The following MYOF variants were observed in gnomAD, a reference collection of about 807,000 sequenced individuals.
MYOF encodes myoferlin, also known as fer-1-like 3, myoferlin.
MYOF carries 244 observed loss-of-function variants against 284.2 expected under a neutral mutation model. That is an observed-to-expected ratio of 0.86 (90% CI 0.77 to 0.95). The LOEUF (loss-of-function observed/expected upper bound fraction) is 0.95, where lower values mean the gene tolerates loss of function less well. Ranked by LOEUF, MYOF falls within the 40% of genes least tolerant of loss-of-function variation. MYOF has a pLI of 0.00. For missense variants in MYOF, 2,496 were observed against 2,560.6 expected, an observed-to-expected ratio of 0.97 and a Z score of 0.54; for synonymous variants, 904 against 919.7, an observed-to-expected ratio of 0.98 and a Z score of 0.31.
chr10:93,389,825 G>A (rs1398598053), intron 17 of MYOF, among the ~76,000 whole-genome samples: 1 of 152,130 alleles, frequency 6.6e-6, no homozygotes, highest in African/African-American at 2.4e-5. Flanking sequence ...AGCTGAAAAT[G>A]GGGAAACTGC....
At chr10:93,332,446 T>C (rs1843357037) in intron 43 of MYOF, among the ~76,000 whole-genome samples, 1 of 151,660 alleles carries the variant, frequency 6.6e-6, no homozygotes, top group African/African-American at 2.4e-5. Flanking sequence ...GGTCTCGAAC[T>C]CCTGACTTTG....
chr10:93,349,811 T>C lies in MYOF; in HGVS notation c.4080A>G (p.Lys1360=). The C allele has an allele frequency of 6.2e-7, 1 of 1,614,056 alleles. No homozygotes were observed. The highest frequency in any genetic ancestry group is 2.2e-5 in the East Asian group (1 of 44,862). ...TCACAGAGAATCGATACTGTACCAC[T>C]TTCATGAAGAGAACAGAACTTGGAA... The part of the protein sequence containing the change: ...PNFPSSVLFM[K]VFLPKEELYM... Residue 1360 remains lysine (K), a synonymous_variant, in exon 36 of 54, where the codon AAA becomes AAG. Coordinates refer to ENST00000359263, the MANE Select transcript of MYOF (RefSeq NM_013451.4).
rs1164498078 is a variant in MYOF, at chr10:93,342,936, CTG to C, written c.4326+918_4326+919del. Among the ~76,000 whole-genome samples, 4 of 152,336 alleles carry C rather than the reference CTG, an allele frequency of 2.6e-5. No homozygotes were observed. In the East Asian group the frequency reaches 7.7e-4, roughly 29 times the overall value. On this transcript the variant is annotated intron_variant, in intron 38 of 53. Coordinates refer to ENST00000359263, the MANE Select transcript of MYOF (RefSeq NM_013451.4). The stretch of plus-strand genomic sequence containing the variant: ...GGAAATTTGATATTGTCGTTTGTGA[CTG>C]TGTAGGATTCACAGAGAGTAGAATC...
rs1444885012 is a variant in MYOF at position 93,387,847 on chromosome 10, G to A, written c.1648C>T (p.Pro550Ser). ...ELATFLEKTP[P>S]DKKLEPISND... ...GAAATGGGCTCAAGCTTTTTATCTG[G>A]TGGTGTCTTCTCAAGAAAAGTGGCT... Residue 550 changes from proline (P) to serine (S), a missense_variant, in exon 19 of 54, where the codon CCA becomes TCA. Pro to Ser is a moderately conservative substitution (Grantham distance 74). Coordinates refer to ENST00000359263, the MANE Select transcript of MYOF (RefSeq NM_013451.4). 2 of 1,614,090 alleles carry A rather than the reference G, an allele frequency of 1.2e-6. No individual in the cohort carries two copies. The highest frequency in any genetic ancestry group is 1.1e-5 in the South Asian group (1 of 91,072).
chr10:93,437,569 C>T (rs765521758), intron 3 of MYOF, among the ~76,000 whole-genome samples: 76 of 152,164 alleles, frequency 5.0e-4, no homozygotes, highest in Non-Finnish European at 9.4e-4. Flanking sequence ...CTGTTTCTGC[C>T]TCTAGAGATC....
chr10:93,461,274 G>C lies in MYOF; in HGVS notation c.89-4337C>G, dbSNP rs951795479. ...AATGGTTCACTGAGTGAGTTCTTCC[G>C]CAAACATTAATCAGCTCCTTCATTC... is the stretch of plus-strand genomic sequence containing the variant. On this transcript the variant is annotated intron_variant, in intron 1 of 53. Coordinates refer to ENST00000359263, the MANE Select transcript of MYOF (RefSeq NM_013451.4). Among the ~76,000 whole-genome samples the C allele has an allele frequency of 3.9e-5, 6 of 152,144 alleles. No individual in the cohort carries two copies. In the South Asian group the frequency reaches 8.3e-4, roughly 21 times the overall value.
In MYOF at chr10:93,372,668, G is replaced by A. The variant is rs1047939296; in HGVS notation, c.2457+262C>T. Among the ~76,000 whole-genome samples, 9 of 152,276 alleles carry A rather than the reference G, an allele frequency of 5.9e-5. No individual in the cohort carries two copies. The South Asian group carries it at 1.9e-3, about 32-fold the overall frequency. ...GAAATATTAGAAGTGAAATATTCATGCCAGAAAGCAAAGCATTCACAATGC... is the reference window on the plus strand; with the variant it reads ...GAAATATTAGAAGTGAAATATTCATACCAGAAAGCAAAGCATTCACAATGC... On this transcript the variant is annotated intron_variant, in intron 24 of 53. Coordinates refer to ENST00000359263, the MANE Select transcript of MYOF (RefSeq NM_013451.4).
chr10:93,406,288 TTATATATATATATATATATATA>T (rs3980375), intron 7 of MYOF, among the ~76,000 whole-genome samples: 2 of 58,148 alleles, frequency 3.4e-5, no homozygotes, highest in African/African-American at 3.9e-5. Flanking sequence ...TAAACCTCTT[TTATATATATATATATATATATA>T]TATATATTTG....
chr10:93,434,444 A>C (rs1016034128), intron 3 of MYOF, among the ~76,000 whole-genome samples: 17 of 151,092 alleles, frequency 1.1e-4, no homozygotes, highest in African/African-American at 3.9e-4. Context: ...AAAAAAAAAA[A>C]AAACAAAAAA....
intron 1 of MYOF, among the ~76,000 whole-genome samples, chr10:93,475,518 A>G (rs1321296407): frequency 1.3e-5 from 2 of 152,222 alleles, no homozygotes; most frequent in Admixed American, 6.5e-5. Flanking sequence ...CTGAGAGGAT[A>G]TTAAACGTAA....
rs371433234 is a variant in MYOF at position 93,396,139 on chromosome 10, T to G, written c.1417+3A>C. ...CTTGTTCTAGATCTGTTGAGTGACT[T>G]ACCTTCCACTTCCCCACCAGAGGCA... On this transcript the variant is annotated splice_donor_region_variant and intron_variant, in intron 16 of 53. Transcript: ENST00000359263. The G allele has an allele frequency of 6.6e-5, 106 of 1,603,236 alleles. No individual in the cohort carries two copies. The highest frequency in any genetic ancestry group is 8.2e-5 in the Non-Finnish European group (96 of 1,172,700).
At chr10:93,308,025 A>C (rs1032663507) in intron 53 of MYOF, among the ~76,000 whole-genome samples, 1 of 148,640 alleles carries the variant, frequency 6.7e-6, no homozygotes, top group Non-Finnish European at 1.5e-5. Context: ...GGCAGATCAC[A>C]TGAGGTCAGG....
chr10:93,380,744 C>G (rs187223175), intron 20 of MYOF, among the ~76,000 whole-genome samples: 4 of 152,150 alleles, frequency 2.6e-5, no homozygotes, highest in Non-Finnish European at 5.9e-5. Flanking sequence ...CCAGAGAAGA[C>G]GAAGAAACTG....
At chr10:93,370,130 T>C (rs1458202401) in intron 24 of MYOF, among the ~76,000 whole-genome samples, 2 of 152,282 alleles carry the variant, frequency 1.3e-5, no homozygotes, top group African/African-American at 4.8e-5. Context: ...TCCTGCACTG[T>C]AGCAGGAATC....
chr10:93,382,404 T>C (rs973316163), intron 19 of MYOF, among the ~76,000 whole-genome samples: 1 of 152,200 alleles, frequency 6.6e-6, no homozygotes, highest in Non-Finnish European at 1.5e-5. Flanking sequence ...AGCTAAACTA[T>C]TGATTTTCTA....
chr10:93,307,530 G>A (rs957174593), intron 53 of MYOF, among the ~76,000 whole-genome samples: 53 of 152,068 alleles, frequency 3.5e-4, no homozygotes, highest in African/African-American at 1.2e-3. Flanking sequence ...TCTGTCTCCT[G>A]ACCTCGTGAT....
chr10:93,354,034 A>G (rs904569837), intron 31 of MYOF, 146 bp from the exon 32 acceptor site: 3 of 588,288 alleles, frequency 5.1e-6, no homozygotes, highest in Middle Eastern at 4.5e-4. Context: ...CACATAGAAT[A>G]GTGATGATGT....
At chr10:93,394,520 G>A (rs545473200) in intron 16 of MYOF, among the ~76,000 whole-genome samples, 34 of 134,084 alleles carry the variant, frequency 2.5e-4, no homozygotes, top group Admixed American at 2.7e-4. Flanking sequence ...GAGTGCAGTG[G>A]CGCGATCTCG....
rs374289838 is a variant in MYOF at position 93,333,330 on chromosome 10, C to T, written c.4720-18G>A. On this transcript the variant is annotated intron_variant, in intron 42 of 53. Coordinates refer to ENST00000359263, the MANE Select transcript of MYOF (RefSeq NM_013451.4). ...GGGTCACACTGTGGGACAAAATAGA[C>T]GGGATGTTACATCATTGTAGGGCGC... 367 of 1,601,308 alleles carry T rather than the reference C, an allele frequency of 2.3e-4. 3 individuals carry two copies. Among genetic ancestry groups the T allele is most frequent in the Middle Eastern group, 1.2e-3 (7 of 6,034 alleles).
Sources: allele counts gnomAD v4.1 joint callset (sites outside exome capture counted in the v4.1 genomes callset), GRCh38; gene constraint gnomAD v4.1.1; transcripts MANE v1.5; gene names NCBI Gene and HGNC (gene_info 2026-07-23, HGNC 2026-07-21).